The following PTPRS variants were observed in gnomAD, a reference collection of about 807,000 sequenced individuals.
PTPRS encodes the protein receptor-type tyrosine-protein phosphatase S.
Under a neutral mutation model 215.3 loss-of-function variants are expected in PTPRS, and 63 were observed. The ratio of observed to expected loss-of-function variants is 0.29; its 90% CI spans 0.24 to 0.36. The LOEUF (loss-of-function observed/expected upper bound fraction) is 0.36, where lower values mean the gene tolerates loss of function less well. Ranked by LOEUF, PTPRS falls within the 10% of genes least tolerant of loss-of-function variation. The probability of loss-of-function intolerance (pLI) is 1.00; values close to 1 mark genes in which losing one functional copy is unlikely to be tolerated. For missense variants in PTPRS, 2,258 were observed against 2,825.8 expected (o/e 0.80, Z 4.56); for synonymous variants, 1,404 against 1,191.4 (o/e 1.18, Z -3.68).
rs55793961 is a variant in PTPRS at position 5,324,226 on chromosome 19, CAAAAAAAAAAAAAAA to C, written c.-95+16423_-95+16437del. On this transcript the variant is annotated intron_variant, in intron 1 of 37. Transcript: ENST00000262963. Reference sequence around the variant, plus strand: ...TGGGAGACAGAGCGAAACCCTGCCTCAAAAAAAAAAAAAAAAAAAAAAAAAGAAAGAAAAAAAGGG... The same window carrying C: ...TGGGAGACAGAGCGAAACCCTGCCTCAAAAAAAAAAGAAAGAAAAAAAGGG... 6.8e-5 allele frequency among the ~76,000 whole-genome samples: 5 copies of C among 73,880 alleles called. No homozygotes were observed. In the East Asian group the frequency reaches 1.8e-3, roughly 26 times the overall value. 48.5% of individuals were successfully genotyped at this position (73,880 alleles called of 152,430 possible).
At chr19:5,303,183 C>T (rs1235199331) in intron 1 of PTPRS, among the ~76,000 whole-genome samples, 2 of 152,186 alleles carry the variant, frequency 1.3e-5, no homozygotes, top group Non-Finnish European at 2.9e-5. Context: ...AACCAGTCCT[C>T]ACCACTCTCT....
intron 1 of PTPRS, among the ~76,000 whole-genome samples, chr19:5,336,060 T>C (rs1355307087): frequency 1.3e-5 from 2 of 150,818 alleles, no homozygotes; most frequent in African/African-American, 4.9e-5. Context: ...GATGTGAAAG[T>C]GGAGGGCCTG....
chr19:5,263,982 C>T (rs2046220765), intron 5 of PTPRS, among the ~76,000 whole-genome samples: 1 of 152,212 alleles, frequency 6.6e-6, no homozygotes, highest in Non-Finnish European at 1.5e-5. Flanking sequence ...AACACACACG[C>T]AGACACAGCC....
rs2049110581 is a variant in PTPRS, at chr19:5,295,550, G to C, written c.-94-9316C>G. ...GGGTCTGCCTCTCCCACCAGACTGTGACCTCAGGAGGCAGAGCAGGATTTG... is the reference window on the plus strand; with the variant it reads ...GGGTCTGCCTCTCCCACCAGACTGTCACCTCAGGAGGCAGAGCAGGATTTG... On this transcript the variant is annotated intron_variant, in intron 1 of 37. Coordinates refer to ENST00000262963, the MANE Select transcript of PTPRS (RefSeq NM_002850.4). This position sits in a 1 kb window ranked among gnomAD's most constrained non-coding sequence, Gnocchi z 4.6. Among the ~76,000 whole-genome samples, 1 of 152,118 alleles carries C rather than the reference G, an allele frequency of 6.6e-6. No homozygotes were observed. Among genetic ancestry groups the C allele is most frequent in the South Asian group, 2.1e-4 (1 of 4,820 alleles).
intron 1 of PTPRS, among the ~76,000 whole-genome samples, chr19:5,308,945 G>A (rs1281662518): frequency 6.6e-6 from 1 of 152,164 alleles, no homozygotes; most frequent in African/African-American, 2.4e-5. Context: ...GAGCACGGGT[G>A]GGGTACGGGG....
Position 5,256,708 on chromosome 19 carries a change from G to A in PTPRS, c.707-589C>T, listed in dbSNP as rs1437604766. 2.0e-5 allele frequency among the ~76,000 whole-genome samples: 3 copies of A among 152,086 alleles called. No individual in the cohort carries two copies. The South Asian group carries it at 6.2e-4, about 32-fold the overall frequency. ...GAGGTGCCGTGACAGTGGATCAGAC[G>A]TGCCCCTACCCACCACCCGTCCATA... On this transcript the variant is annotated intron_variant, in intron 8 of 37. Coordinates refer to ENST00000262963, the MANE Select transcript of PTPRS (RefSeq NM_002850.4).
chr19:5,339,106 A>C lies in PTPRS; in HGVS notation c.-95+1558T>G, dbSNP rs1026913634. ...CGACACCTCGGACACCCGCTTCACT[A>C]GCCGCGGCTGCCGGGATGTGTTTTT... On this transcript the variant is annotated intron_variant, in intron 1 of 37. Transcript: ENST00000262963. This position sits in a 1 kb window ranked among gnomAD's most constrained non-coding sequence, Gnocchi z 4.2. Among the ~76,000 whole-genome samples the C allele has an allele frequency of 2.6e-5, 4 of 151,726 alleles. No individual in the cohort carries two copies. Among genetic ancestry groups the C allele is most frequent in the Non-Finnish European group, 4.4e-5 (3 of 67,920 alleles).
intron 1 of PTPRS, among the ~76,000 whole-genome samples, chr19:5,324,907 C>G (rs2050130071): frequency 6.6e-6 from 1 of 152,044 alleles, no homozygotes; most frequent in African/African-American, 2.4e-5. Context: ...CAAGAAGAGC[C>G]ACATCCCCAG....
intron 7 of PTPRS, 171 bp from the exon 8 acceptor site, chr19:5,258,298 C>T (rs118120887): frequency 0.019 from 11,806 of 607,366 alleles, 157 homozygotes; most frequent in Non-Finnish European, 0.025. Context: ...CCTTGTATAA[C>T]CTCCACCCCC....
intron 7 of PTPRS, among the ~76,000 whole-genome samples, chr19:5,260,080 C>T (rs1475907483): frequency 1.3e-5 from 2 of 151,966 alleles, no homozygotes; most frequent in East Asian, 1.9e-4. Flanking sequence ...TGGAGCCGAC[C>T]GACCTGAGAG....
At position 5,315,350 on chromosome 19, in the gene PTPRS, GGTTTTTTTTTTTT is replaced by G. The variant is rs1353242615; in HGVS notation, c.-95+25301_-95+25313del. On this transcript the variant is annotated intron_variant, in intron 1 of 37. Coordinates refer to ENST00000262963, the MANE Select transcript of PTPRS (RefSeq NM_002850.4). ...TCATGGAGAATTTTTATTTGAAAAG[GGTTTTTTTTTTTT>G]TTTTTTTTTTTTTTTTTTGAGACAG... is the stretch of plus-strand genomic sequence containing the variant. Among the ~76,000 whole-genome samples the G allele has an allele frequency of 6.0e-4, 61 of 101,318 alleles. 3 individuals carry two copies. Among genetic ancestry groups the G allele is most frequent in the Middle Eastern group, 0.012 (2 of 170 alleles). The allele number at this position is 101,318 out of a possible 152,430, so 66.5% of individuals were successfully genotyped here. A position where few individuals can be genotyped will look rare whatever the true frequency, so the allele number is the denominator to read the frequency against.
intron 1 of PTPRS, among the ~76,000 whole-genome samples, chr19:5,300,172 T>C (rs1432354224): frequency 1.4e-5 from 2 of 142,668 alleles, no homozygotes; most frequent in African/African-American, 5.3e-5. Context: ...ACCCAGGAGG[T>C]GGACACTGCA....
intron 1 of PTPRS, among the ~76,000 whole-genome samples, chr19:5,312,452 G>A (rs978895953): frequency 1.2e-4 from 18 of 152,074 alleles, no homozygotes; most frequent in African/African-American, 4.3e-4. Flanking sequence ...TTGAGCCCAG[G>A]AGTTCGAGAC....
intron 1 of PTPRS, among the ~76,000 whole-genome samples, chr19:5,302,079 GC>G (rs57751163): frequency 0.089 from 13,540 of 152,030 alleles, 885 homozygotes; most frequent in African/African-American, 0.18. Flanking sequence ...ACCACACTTG[GC>G]CCCCCGATTT....
intron 1 of PTPRS, among the ~76,000 whole-genome samples, chr19:5,304,984 C>T (rs764697605): frequency 6.6e-6 from 1 of 151,736 alleles, no homozygotes; most frequent in African/African-American, 2.4e-5. Flanking sequence ...CTTCCCACTA[C>T]CCCCCCAGAG....
intron 1 of PTPRS, among the ~76,000 whole-genome samples, chr19:5,300,523 C>T (rs113466007): frequency 6.6e-6 from 1 of 151,880 alleles, no homozygotes; most frequent in East Asian, 1.9e-4. Flanking sequence ...GTAATCCCAA[C>T]ACTTTGGGAG....
chr19:5,207,784 A>AG, intron 37 of PTPRS, 138 bp downstream of exon 37: 1 of 1,264,542 alleles, frequency 7.9e-7, no homozygotes. Flanking sequence ...CCAGTGCGGG[A>AG]GGGGTCTGTG....
At chr19:5,247,399 G>A (rs1014224779) in intron 9 of PTPRS, among the ~76,000 whole-genome samples, 6 of 152,006 alleles carry the variant, frequency 3.9e-5, no homozygotes, top group African/African-American at 1.4e-4. Flanking sequence ...AAGGGGAGGA[G>A]GCCAGTGGGC....
In PTPRS at chr19:5,206,154, A is replaced by G. The variant is rs1005052836; in HGVS notation, c.*620T>C. ...ACTATCACACAAGGACGCTTTCTAC[A>G]GTGAAAAAATAGACTGTCTTTGAAC... On this transcript the variant is annotated 3_prime_UTR_variant, in exon 38 of 38. Coordinates refer to ENST00000262963, the MANE Select transcript of PTPRS (RefSeq NM_002850.4). 6.6e-6 allele frequency among the ~76,000 whole-genome samples: 1 copy of G among 151,656 alleles called. No individual in the cohort carries two copies. The highest frequency in any genetic ancestry group is 1.5e-5 in the Non-Finnish European group (1 of 67,980).
Sources: allele counts gnomAD v4.1 joint callset (sites outside exome capture counted in the v4.1 genomes callset), GRCh38; gene constraint gnomAD v4.1.1; non-coding constraint Gnocchi (gnomAD v3.1); transcripts MANE v1.5; gene names NCBI Gene and HGNC (gene_info 2026-07-23, HGNC 2026-07-21).